Variants in PANK1 observed in about 807,000 individuals in gnomAD.
PANK1 encodes pantothenate kinase 1.
In PANK1, 18 loss-of-function variants were observed where a neutral mutation model predicts 40.1. The ratio of observed to expected loss-of-function variants is 0.45; its 90% CI spans 0.31 to 0.67. The LOEUF is 0.67. Ranked by LOEUF, PANK1 falls within the 30% of genes least tolerant of loss-of-function variation. The pLI, the probability that PANK1 is intolerant of heterozygous loss-of-function variation, is 0.06. For missense variants in PANK1, 457 were observed against 599.6 expected (o/e 0.76, Z 2.48); for synonymous variants, 242 against 237.7 (o/e 1.02, Z -0.17).
At chr10:89,627,830 A>G (rs1017454666) in intron 1 of PANK1, among the ~76,000 whole-genome samples, 2 of 152,202 alleles carry the variant, frequency 1.3e-5, no homozygotes, top group Non-Finnish European at 2.9e-5. Flanking sequence ...GAAACTTATA[A>G]TTTCACTAGA....
Position 89,593,807 on chromosome 10 carries a change from C to T in PANK1, c.1076+6G>A, listed in dbSNP as rs1198533925. ...TCACTACTGCTCCTAGCTACTTAAT[C>T]TCTACCTTGATGCTACAGCAGATCC... is the stretch of plus-strand genomic sequence containing the variant. On this transcript the variant is annotated splice_donor_region_variant and intron_variant, in intron 4 of 6. Coordinates refer to ENST00000307534, the MANE Select transcript of PANK1 (RefSeq NM_148977.3). 1.4e-5 allele frequency: 23 copies of T among 1,607,808 alleles called. No individual in the cohort carries two copies. Among genetic ancestry groups the T allele is most frequent in the Non-Finnish European group, 2.0e-5 (23 of 1,174,558 alleles).
At chr10:89,637,729 T>A (rs7900970) in intron 1 of PANK1, among the ~76,000 whole-genome samples, 3,427 of 152,278 alleles carry the variant, frequency 0.023, 140 homozygotes, top group African/African-American at 0.078. Context: ...TCTAAATTTA[T>A]AAAAAGAAAT....
chr10:89,588,529 T>C (rs549245554), intron 6 of PANK1, 123 bp downstream of exon 6: 33 of 637,358 alleles, frequency 5.2e-5, no homozygotes, highest in African/African-American at 4.9e-4. Context: ...TTTGTGTAAA[T>C]GCAAAGTGTA....
intron 5 of PANK1, among the ~76,000 whole-genome samples, chr10:89,590,263 T>C (rs1201073564): frequency 6.6e-6 from 1 of 152,092 alleles, no homozygotes; most frequent in African/African-American, 2.4e-5. Flanking sequence ...ATAAAATGGA[T>C]TTGTTAATTA....
At chr10:89,623,837 T>TA (rs1409329672) in intron 1 of PANK1, among the ~76,000 whole-genome samples, 1 of 152,218 alleles carries the variant, frequency 6.6e-6, no homozygotes, top group Non-Finnish European at 1.5e-5. Flanking sequence ...TTCAGCCTGT[T>TA]AGACGCTTGA....
chr10:89,586,168 T>C (rs1291449215), intron 6 of PANK1, among the ~76,000 whole-genome samples: 1 of 152,222 alleles, frequency 6.6e-6, no homozygotes, highest in Non-Finnish European at 1.5e-5. Context: ...TTGTCTGCAT[T>C]AGGCCAAGAA....
chr10:89,580,007 C>T (rs913001339), downstream of PANK1: 5 of 152,160 alleles, frequency 3.3e-5, no homozygotes, highest in African/African-American at 4.8e-5. Context: ...ACAAATGTGG[C>T]GTCATCTTCT....
chr10:89,588,645 A>G lies in PANK1; in HGVS notation c.1326+7T>C. The stretch of plus-strand genomic sequence containing the variant: ...TATGACAGTAAGTCTATGCAAGCTC[A>G]ACCTACCTCATGTTCCAAAAACAGA... On this transcript the variant is annotated splice_region_variant and intron_variant, in intron 6 of 6. Coordinates refer to ENST00000307534, the MANE Select transcript of PANK1 (RefSeq NM_148977.3). The G allele has an allele frequency of 1.9e-6, 3 of 1,595,470 alleles. No homozygotes were observed. Among genetic ancestry groups the G allele is most frequent in the Non-Finnish European group, 2.6e-6 (3 of 1,173,480 alleles).
At chr10:89,612,918 A>G (rs552089955) in intron 1 of PANK1, among the ~76,000 whole-genome samples, 3 of 152,344 alleles carry the variant, frequency 2.0e-5, no homozygotes, top group African/African-American at 7.2e-5. Context: ...GCAGGCTTGG[A>G]AACTACTAAA....
chr10:89,643,654 C>T, intron 1 of PANK1: 1 of 1,466,780 alleles, frequency 6.8e-7, no homozygotes, highest in South Asian at 1.1e-5. Context: ...ACAGCATAAC[C>T]TCTATGCAAA....
Position 89,599,508 on chromosome 10 carries a change from A to G in PANK1, c.646-3T>C, listed in dbSNP as rs1217706201. On this transcript the variant is annotated splice_polypyrimidine_tract_variant and splice_region_variant and intron_variant, in intron 2 of 6. Transcript: ENST00000307534. ...TTATGCAGCTGCAGGTCAGCAATCT[A>G]AAACAAAACACACAACAAAATAAAA... is the stretch of plus-strand genomic sequence containing the variant. 2 of 1,610,758 alleles carry G rather than the reference A, an allele frequency of 1.2e-6. No homozygotes were observed. The highest frequency in any genetic ancestry group is 1.7e-6 in the Non-Finnish European group (2 of 1,178,054).
At position 89,624,287 on chromosome 10, in the gene PANK1, T is replaced by C. The variant is rs894859487; in HGVS notation, c.293-12239A>G. ...GACCTGCCATACTTTTAGGCACCCA[T>C]GAAAATAATTTATTTTAAAATCAGA... On this transcript the variant is annotated intron_variant, in intron 1 of 6. Coordinates refer to ENST00000307534, the MANE Select transcript of PANK1 (RefSeq NM_148977.3). Among the ~76,000 whole-genome samples, 4 of 152,336 alleles carry C rather than the reference T, an allele frequency of 2.6e-5. No homozygotes were observed. In the East Asian group the frequency reaches 5.8e-4, roughly 22 times the overall value.
At chr10:89,635,475 A>C (rs1247677951) in intron 1 of PANK1, among the ~76,000 whole-genome samples, 1 of 152,048 alleles carries the variant, frequency 6.6e-6, no homozygotes, top group Non-Finnish European at 1.5e-5. Context: ...TCATGACCTA[A>C]ATGCCTCCCA....
rs553902310 is a variant in PANK1, at chr10:89,644,222, C to T, written c.292+378G>A. Among the ~76,000 whole-genome samples the T allele has an allele frequency of 5.4e-4, 83 of 152,296 alleles. 1 individual carries two copies. Among genetic ancestry groups the T allele is most frequent in the Non-Finnish European group, 9.1e-4 (62 of 68,016 alleles). On this transcript the variant is annotated intron_variant, in intron 1 of 6. Coordinates refer to ENST00000307534, the MANE Select transcript of PANK1 (RefSeq NM_148977.3). Reference sequence around the variant, plus strand: ...GGGGTGAGAAAGGAGAGAGCACCCTCGGTGTGCCGCCCACTTTATCCTCAC... The same window carrying T: ...GGGGTGAGAAAGGAGAGAGCACCCTTGGTGTGCCGCCCACTTTATCCTCAC...
chr10:89,638,772 C>A (rs958353963), intron 1 of PANK1, among the ~76,000 whole-genome samples: 1 of 152,190 alleles, frequency 6.6e-6, no homozygotes, highest in Non-Finnish European at 1.5e-5. Context: ...CATCTGAGAT[C>A]TCATCAGAAT....
chr10:89,610,066 T>C (rs7910298), intron 2 of PANK1, among the ~76,000 whole-genome samples: 82,600 of 152,040 alleles, frequency 0.54, 23,318 homozygotes, highest in South Asian at 0.63. Context: ...AAGTCCCAGC[T>C]CTTACCTAGG....
chr10:89,581,601 A>C (rs1459201172), downstream of PANK1: 2 of 152,186 alleles, frequency 1.3e-5, no homozygotes. Flanking sequence ...TTTTCAGTAG[A>C]GACGGGGTTT....
Position 89,644,945 on chromosome 10 carries a change from G to A in PANK1, c.-54C>T, listed in dbSNP as rs985703056. ...CCCCGGCTCAGGCGGCCTCGCTGGA[G>A]GTCATTCTCCGGCGTCTTTATTTCC... On this transcript the variant is annotated 5_prime_UTR_variant, in exon 1 of 7. Coordinates refer to ENST00000307534, the MANE Select transcript of PANK1 (RefSeq NM_148977.3). 1 of 1,570,430 alleles carries A rather than the reference G, an allele frequency of 6.4e-7. No homozygotes were observed. Among genetic ancestry groups the A allele is most frequent in the Non-Finnish European group, 8.6e-7 (1 of 1,161,992 alleles).
intron 6 of PANK1, among the ~76,000 whole-genome samples, chr10:89,585,772 G>C (rs1004473226): frequency 6.6e-6 from 1 of 152,190 alleles, no homozygotes; most frequent in African/African-American, 2.4e-5. Flanking sequence ...GAGAAATTTA[G>C]TGAGGACTCC....
Sources: gnomAD v4.1 joint callset for allele counts (sites outside exome capture counted in the v4.1 genomes callset) on GRCh38, gnomAD v4.1.1 for gene constraint, MANE v1.5 for transcripts, NCBI Gene and HGNC (gene_info 2026-07-23, HGNC 2026-07-21) for gene names.